Variants in ADAMTS14 observed in about 807,000 individuals in gnomAD.
The protein encoded by ADAMTS14 is A disintegrin and metalloproteinase with thrombospondin motifs 14.
In ADAMTS14, 100 loss-of-function variants were observed where a neutral mutation model predicts 128.6. That is an observed-to-expected ratio of 0.78 (90% confidence interval 0.66 to 0.92). ADAMTS14 has a LOEUF of 0.92. Ranked by LOEUF, ADAMTS14 falls within the 40% of genes least tolerant of loss-of-function variation. The probability of loss-of-function intolerance (pLI) is 0.00; values close to 1 mark genes in which losing one functional copy is unlikely to be tolerated. For missense variants in ADAMTS14, 1,562 were observed against 1,658.6 expected (o/e 0.94, Z 1.01); for synonymous variants, 665 against 653.8 (o/e 1.02, Z -0.26).
rs372492276 is a variant in ADAMTS14 at position 70,730,120 on chromosome 10, C to T, written c.973C>T (p.Arg325Cys). Residue 325 changes from arginine to cysteine, a missense_variant, in exon 6 of 22, where the codon CGC (arginine) becomes TGC (cysteine). Coordinates refer to ENST00000373207, the MANE Select transcript of ADAMTS14 (RefSeq NM_080722.4). The stretch of plus-strand genomic sequence containing the variant: ...CCTGCAGTCCCTGAGCCTGATCGAG[C>T]GCGGGAACCCCTCACGCAGCCTGGA... ...GYRQSLSLIE[R>C]GNPSRSLEQV... 34 of 1,607,022 alleles carry T rather than the reference C, an allele frequency of 2.1e-5. No individual in the cohort carries two copies. The highest frequency in any genetic ancestry group is 1.8e-4 in the Middle Eastern group (1 of 5,504).
chr10:70,758,396 C>T, intron 21 of ADAMTS14, 111 bp downstream of exon 21: 1 of 912,250 alleles, frequency 1.1e-6, no homozygotes, highest in Non-Finnish European at 1.6e-6. Context: ...TCTGTGTGAC[C>T]TTCACCTCCC....
chr10:70,695,562 C>A (rs1446710128), intron 2 of ADAMTS14, among the ~76,000 whole-genome samples: 2 of 152,144 alleles, frequency 1.3e-5, no homozygotes, highest in Admixed American at 6.5e-5. Flanking sequence ...ATGGAACCAC[C>A]AGGGTTGGGG....
intron 1 of ADAMTS14, among the ~76,000 whole-genome samples, chr10:70,673,800 T>A (rs1418936434): frequency 6.6e-6 from 1 of 152,136 alleles, no homozygotes; most frequent in Non-Finnish European, 1.5e-5. Context: ...CCAGCCTGGC[T>A]GGGCTCAAGG....
intron 2 of ADAMTS14, among the ~76,000 whole-genome samples, chr10:70,678,287 G>T (rs1426042331): frequency 2.6e-5 from 4 of 152,228 alleles, no homozygotes; most frequent in Admixed American, 2.6e-4. Context: ...TTTGCAGAGA[G>T]TCAGGTCCCT....
rs188561404 is a variant in ADAMTS14, at chr10:70,706,543, C to T, written c.680-2045C>T. On this transcript the variant is annotated intron_variant, in intron 3 of 21. Transcript: ENST00000373207. Reference sequence around the variant, plus strand: ...CCAGGAGTTTGGCTGTGGGCTGCTGCGCTTGCCATTGGCTCAGACACCAGG... The same window carrying T: ...CCAGGAGTTTGGCTGTGGGCTGCTGTGCTTGCCATTGGCTCAGACACCAGG... 1.4e-4 allele frequency among the ~76,000 whole-genome samples: 22 copies of T among 152,326 alleles called. No homozygotes were observed. In the East Asian group the frequency reaches 1.7e-3, roughly 12 times the overall value.
chr10:70,753,179 C>G (rs1308339519), intron 18 of ADAMTS14, among the ~76,000 whole-genome samples: 1 of 152,194 alleles, frequency 6.6e-6, no homozygotes, highest in Non-Finnish European at 1.5e-5. Context: ...CGAGGCTCTC[C>G]CTCCTTCCAT....
intron 4 of ADAMTS14, among the ~76,000 whole-genome samples, chr10:70,711,566 T>G (rs1401089633): frequency 6.6e-6 from 1 of 152,240 alleles, no homozygotes; most frequent in Non-Finnish European, 1.5e-5. Flanking sequence ...AGATTTAGTA[T>G]CCAGGGTATC....
At chr10:70,733,798 T>A in intron 7 of ADAMTS14, 87 bp from the exon 8 acceptor site, 1 of 1,519,226 alleles carries the variant, frequency 6.6e-7, no homozygotes, top group Non-Finnish European at 8.9e-7. Flanking sequence ...CAGGTCAGGG[T>A]CTCCTGCTGC....
At position 70,672,834 on chromosome 10, in the gene ADAMTS14, T is replaced by C; in HGVS notation, c.32T>C (p.Leu11Pro). The change falls in exon 1 of 22, where the codon CTG becomes CCG. Residue 11 changes from leucine (L) to proline (P), a missense_variant. Physicochemically the swap from Leu to Pro is moderately conservative, Grantham distance 98. Transcript: ENST00000373207. MAPLRALLSYLLPLHCALCAA... is the reference protein window; with the variant it reads MAPLRALLSYPLPLHCALCAA... ...CCACTCCGCGCGCTGCTGTCCTACC[T>C]GCTGCCTTTGCACTGTGCGCTCTGC... The C allele has an allele frequency of 6.6e-7, 1 of 1,517,386 alleles. No individual in the cohort carries two copies. The highest frequency in any genetic ancestry group is 8.8e-7 in the Non-Finnish European group (1 of 1,137,104). The allele number at this position is 1,517,386 out of a possible 1,614,324, so 94.0% of individuals were successfully genotyped here.
At chr10:70,698,560 G>GT (rs1840400795) in intron 2 of ADAMTS14, among the ~76,000 whole-genome samples, 1 of 152,206 alleles carries the variant, frequency 6.6e-6, no homozygotes, top group Non-Finnish European at 1.5e-5. Context: ...TCTAGGAGGA[G>GT]AGTCTCTGCG....
chr10:70,678,580 AC>A (rs1419112515), intron 2 of ADAMTS14, among the ~76,000 whole-genome samples: 1 of 147,718 alleles, frequency 6.8e-6, no homozygotes, highest in Non-Finnish European at 1.5e-5. Flanking sequence ...TGGGGAGTGG[AC>A]CCTAGAAGAC....
rs1589307477 is a variant in ADAMTS14 at position 70,729,216 on chromosome 10, G to T, written c.871-78G>T. On this transcript the variant is annotated intron_variant, in intron 4 of 21. Coordinates refer to ENST00000373207, the MANE Select transcript of ADAMTS14 (RefSeq NM_080722.4). ...TCACGGTGGGGATACCATATGTTAG[G>T]TACCTACCCCAGTACCTGGCATGCA... The T allele has an allele frequency of 4.0e-6, 5 of 1,239,284 alleles. No homozygotes were observed. The East Asian group carries it at 1.2e-4, about 29-fold the overall frequency. The allele number at this position is 1,239,284 out of a possible 1,614,324, so 76.8% of individuals were successfully genotyped here.
At chr10:70,721,019 C>CTTTTTT (rs56656736) in intron 4 of ADAMTS14, among the ~76,000 whole-genome samples, 1,230 of 83,756 alleles carry the variant, frequency 0.015, 4 homozygotes, top group East Asian at 0.024. Context: ...TCTCTTTTTT[C>CTTTTTT]TTTTTTTTTT....
intron 2 of ADAMTS14, among the ~76,000 whole-genome samples, chr10:70,701,663 A>AT (rs1322291097): frequency 6.6e-6 from 1 of 152,110 alleles, no homozygotes; most frequent in Non-Finnish European, 1.5e-5. Flanking sequence ...CCAACACCTG[A>AT]TTTTTTTAAA....
chr10:70,759,783 G>A (rs1350990316), intron 21 of ADAMTS14, among the ~76,000 whole-genome samples: 1 of 152,190 alleles, frequency 6.6e-6, no homozygotes, highest in Non-Finnish European at 1.5e-5. Flanking sequence ...TGGCTGGAGT[G>A]GGGCCAGACT....
At chr10:70,757,686 G>A (rs905613300) in intron 19 of ADAMTS14, among the ~76,000 whole-genome samples, 20 of 152,162 alleles carry the variant, frequency 1.3e-4, no homozygotes, top group Admixed American at 1.3e-4. Context: ...GAGATTAACC[G>A]TTTAGATTGT....
At chr10:70,687,937 A>C in intron 2 of ADAMTS14, among the ~76,000 whole-genome samples, 1 of 68,912 alleles carries the variant, frequency 1.5e-5, no homozygotes, top group Non-Finnish European at 2.9e-5. Flanking sequence ...TCCCTCCCGG[A>C]TGGGGCGGCT....
chr10:70,731,981 G>A (rs1841653684), intron 6 of ADAMTS14, among the ~76,000 whole-genome samples: 1 of 152,188 alleles, frequency 6.6e-6, no homozygotes, highest in Non-Finnish European at 1.5e-5. Flanking sequence ...GAAGTAGTGT[G>A]TTTGCAGGCC....
intron 4 of ADAMTS14, among the ~76,000 whole-genome samples, chr10:70,721,250 C>A (rs1457492115): frequency 6.6e-6 from 1 of 151,824 alleles, no homozygotes; most frequent in African/African-American, 2.4e-5. Flanking sequence ...GTCTCCAACT[C>A]CTGACCTTGT....
Sources: gnomAD v4.1 joint callset for allele counts (sites outside exome capture counted in the v4.1 genomes callset) on GRCh38, gnomAD v4.1.1 for gene constraint, MANE v1.5 for transcripts, NCBI Gene and HGNC (gene_info 2026-07-23, HGNC 2026-07-21) for gene names.